The following ADGRL3 variants were observed in gnomAD, a reference collection of about 807,000 sequenced individuals.
ADGRL3 encodes adhesion G protein-coupled receptor L3, also known as calcium-independent alpha-latrotoxin receptor 3.
In ADGRL3, 62 loss-of-function variants were observed where a neutral mutation model predicts 153.5. The observed-to-expected ratio is 0.40, with a 90% CI of 0.33 to 0.50. ADGRL3 has a LOEUF of 0.50. Among genes scored for constraint, ADGRL3 ranks in the 20% least tolerant of loss-of-function variants. The pLI, the probability that ADGRL3 is intolerant of heterozygous loss-of-function variation, is 0.47. For synonymous variants in ADGRL3, 710 were observed against 672.5 expected, an observed-to-expected ratio of 1.06 and a Z score of -0.86; for missense variants, 1,641 against 1,859.4, an observed-to-expected ratio of 0.88 and a Z score of 2.16.
chr4:61,948,231 C>G lies in ADGRL3; in HGVS notation c.2760C>G (p.Asn920Lys), dbSNP rs544882454. ...AGACACATACTACATGCTCTTGTAACCACCTAACAAATTTTGCAGTACTGA... is the reference window on the plus strand; with the variant it reads ...AGACACATACTACATGCTCTTGTAAGCACCTAACAAATTTTGCAGTACTGA... ...TNKTHTTCSC[N>K]HLTNFAVLMA... is the part of the protein sequence containing the mutation. Residue 920 changes from asparagine (N) to lysine (K), a missense_variant, in exon 17 of 27, where the codon AAC (asparagine) becomes AAG (lysine). This residue lies in a region of ADGRL3 where 734 missense variants were observed against 797.0 expected (regional missense o/e 0.92). Transcript: ENST00000683033. 6.2e-7 allele frequency: 1 copy of G among 1,613,766 alleles called. No individual in the cohort carries two copies. The highest frequency in any genetic ancestry group is 2.2e-5 in the East Asian group (1 of 44,842).
At chr4:61,722,613 C>T (rs1368705963) in intron 6 of ADGRL3, among the ~76,000 whole-genome samples, 2 of 151,830 alleles carry the variant, frequency 1.3e-5, no homozygotes, top group Admixed American at 1.3e-4. Flanking sequence ...AGAACTGAAA[C>T]AAAAAATAAA....
chr4:61,495,813 A>C (rs2098309483), intron 2 of ADGRL3, among the ~76,000 whole-genome samples: 1 of 152,146 alleles, frequency 6.6e-6, no homozygotes. Flanking sequence ...TGTTTTCTTC[A>C]ATATTCTATT....
At chr4:61,897,767 C>G (rs2098640090) in intron 11 of ADGRL3, among the ~76,000 whole-genome samples, 1 of 152,132 alleles carries the variant, frequency 6.6e-6, no homozygotes, top group African/African-American at 2.4e-5. Flanking sequence ...TTCTCATCTC[C>G]TTCCTCTCAT....
chr4:61,295,697 G>A (rs1026503195), intron 1 of ADGRL3, among the ~76,000 whole-genome samples: 2 of 151,768 alleles, frequency 1.3e-5, no homozygotes, highest in Non-Finnish European at 2.9e-5. Flanking sequence ...GCTCATACCT[G>A]TAATCCCGTC....
intron 6 of ADGRL3, among the ~76,000 whole-genome samples, chr4:61,718,227 G>A (rs886310657): frequency 1.6e-4 from 24 of 151,824 alleles, no homozygotes; most frequent in African/African-American, 5.3e-4. Flanking sequence ...GCATAGCATT[G>A]GTACAATCCA....
chr4:61,240,657 A>G (rs930111878), intron 1 of ADGRL3, among the ~76,000 whole-genome samples: 5 of 152,132 alleles, frequency 3.3e-5, no homozygotes, highest in Non-Finnish European at 7.4e-5. Flanking sequence ...AAGAAAGTTC[A>G]ATGGGTATGT....
chr4:61,971,136 T>TTTTTTATTTA (rs2099025709), intron 17 of ADGRL3, among the ~76,000 whole-genome samples: 1 of 151,606 alleles, frequency 6.6e-6, no homozygotes, highest in Non-Finnish European at 1.5e-5. Context: ...TTTTTTAAAT[T>TTTTTTATTTA]TTTTTATTTA....
At chr4:61,627,377 G>A (rs1036946127) in intron 5 of ADGRL3, among the ~76,000 whole-genome samples, 5 of 152,136 alleles carry the variant, frequency 3.3e-5, no homozygotes, top group Non-Finnish European at 7.4e-5. Flanking sequence ...ATTTTGGGAG[G>A]CAGAGGTGGG....
At position 61,987,556 on chromosome 4, in the gene ADGRL3, A is replaced by G. The variant is rs575158175; in HGVS notation, c.3236+3953A>G. On this transcript the variant is annotated intron_variant, in intron 19 of 26. Coordinates refer to ENST00000683033, the MANE Select transcript of ADGRL3 (RefSeq NM_001387552.1). Reference sequence around the variant, plus strand: ...TTTTTCACACATCTCTGCTGTCTCAAGTTTGTTTGTTTGCAGTGTTACCTC... The same window carrying G: ...TTTTTCACACATCTCTGCTGTCTCAGGTTTGTTTGTTTGCAGTGTTACCTC... 3.7e-4 allele frequency among the ~76,000 whole-genome samples: 56 copies of G among 152,082 alleles called. 2 individuals are homozygous for G. The highest frequency in any genetic ancestry group is 3.3e-3 in the Admixed American group (51 of 15,256).
chr4:61,425,845 A>G (rs562264978), intron 2 of ADGRL3, among the ~76,000 whole-genome samples: 1 of 152,350 alleles, frequency 6.6e-6, no homozygotes, highest in South Asian at 2.1e-4. Context: ...GTAGCCAACC[A>G]TCTGCAATGG....
chr4:61,426,021 G>A (rs556477290), intron 2 of ADGRL3, among the ~76,000 whole-genome samples: 3 of 152,334 alleles, frequency 2.0e-5, no homozygotes, highest in South Asian at 4.1e-4. Context: ...GTGTAGAAGT[G>A]CCCCACTGGG....
chr4:61,331,040 G>T lies in ADGRL3; in HGVS notation c.-239-52084G>T, dbSNP rs368512147. Among the ~76,000 whole-genome samples the T allele has an allele frequency of 1.2e-4, 19 of 152,236 alleles. No individual in the cohort carries two copies. In the East Asian group the frequency reaches 2.3e-3, roughly 19 times the overall value. ...CTAATACAACCAGCATGGGTCAAGT[G>T]GTTCCTGCTTTTGAAACCAGTTAGG... On this transcript the variant is annotated intron_variant, in intron 1 of 26. Transcript: ENST00000683033.
chr4:61,490,830 A>G (rs1489091984), intron 2 of ADGRL3, among the ~76,000 whole-genome samples: 1 of 152,142 alleles, frequency 6.6e-6, no homozygotes, highest in African/African-American at 2.4e-5. Flanking sequence ...TTACAATTCC[A>G]TAGTGTATTC....
rs535865833 is a variant in ADGRL3 at position 61,358,406 on chromosome 4, G to T, written c.-239-24718G>T. 3.3e-5 allele frequency among the ~76,000 whole-genome samples: 5 copies of T among 152,022 alleles called. No homozygotes were observed. In the South Asian group the frequency reaches 1.0e-3, roughly 32 times the overall value. Reference sequence around the variant, plus strand: ...AGGTCAGGAGATCGAGACCATCCTGGCTAACAGGATGAAACCCCGTCTCTA... The same window carrying T: ...AGGTCAGGAGATCGAGACCATCCTGTCTAACAGGATGAAACCCCGTCTCTA... On this transcript the variant is annotated intron_variant, in intron 1 of 26. Coordinates refer to ENST00000683033, the MANE Select transcript of ADGRL3 (RefSeq NM_001387552.1).
intron 2 of ADGRL3, among the ~76,000 whole-genome samples, chr4:61,401,168 A>AG (rs1321039852): frequency 6.6e-6 from 1 of 151,728 alleles, no homozygotes; most frequent in Non-Finnish European, 1.5e-5. Context: ...AGGTTAAGAA[A>AG]GTTATTTAAA....
chr4:61,860,769 T>G (rs572541779), intron 9 of ADGRL3, among the ~76,000 whole-genome samples: 106 of 152,352 alleles, frequency 7.0e-4, no homozygotes, highest in African/African-American at 2.2e-3. Flanking sequence ...CTTTGTGTTT[T>G]ATACTTTCTC....
At chr4:61,972,863 C>T (rs901765269) in intron 17 of ADGRL3, among the ~76,000 whole-genome samples, 1 of 151,894 alleles carries the variant, frequency 6.6e-6, no homozygotes, top group African/African-American at 2.4e-5. Flanking sequence ...TTACTAAATC[C>T]AGCTCAACAT....
chr4:61,781,103 G>A (rs746193744), intron 8 of ADGRL3, among the ~76,000 whole-genome samples: 6 of 152,012 alleles, frequency 3.9e-5, no homozygotes, highest in Non-Finnish European at 8.8e-5. Flanking sequence ...GAGGAGGGTG[G>A]ATCACCTGAG....
At chr4:61,897,748 T>G in intron 11 of ADGRL3, among the ~76,000 whole-genome samples, 1 of 152,180 alleles carries the variant, frequency 6.6e-6, no homozygotes. Flanking sequence ...TTCATAGAAT[T>G]CATCCCTTTT....
Sources: gnomAD v4.1 joint callset for allele counts (sites outside exome capture counted in the v4.1 genomes callset) on GRCh38, gnomAD v4.1.1 for gene constraint, gnomAD v4.1.1 regional missense constraint, MANE v1.5 for transcripts, NCBI Gene and HGNC (gene_info 2026-07-23, HGNC 2026-07-21) for gene names.